Variants in CPQ observed in about 807,000 individuals in gnomAD.
CPQ encodes Ser-Met dipeptidase.
Under a neutral mutation model 45.7 loss-of-function variants are expected in CPQ, and 37 were observed. That is an observed-to-expected ratio of 0.81 (90% CI 0.62 to 1.07). The LOEUF (loss-of-function observed/expected upper bound fraction) is 1.07, where lower values mean the gene tolerates loss of function less well. Ranked by LOEUF, CPQ falls within the 50% of genes least tolerant of loss-of-function variation. The pLI, the probability that CPQ is intolerant of heterozygous loss-of-function variation, is 0.00. For missense variants in CPQ, 537 were observed against 572.9 expected (o/e 0.94, Z 0.64); for synonymous variants, 186 against 205.8 (o/e 0.90, Z 0.82).
At chr8:97,040,081 T>C (rs1208682313) in intron 6 of CPQ, among the ~76,000 whole-genome samples, 15 of 149,964 alleles carry the variant, frequency 1.0e-4, no homozygotes, top group Non-Finnish European at 1.6e-4. Flanking sequence ...ATGGTTGAAC[T>C]AGTTTACAGT....
intron 5 of CPQ, among the ~76,000 whole-genome samples, chr8:97,018,234 A>T (rs1186211827): frequency 1.3e-5 from 2 of 152,178 alleles, no homozygotes; most frequent in Non-Finnish European, 2.9e-5. Context: ...GGAACTGAAC[A>T]CCAGCGTTGA....
At chr8:96,995,827 C>T (rs974689091) in intron 5 of CPQ, among the ~76,000 whole-genome samples, 110 of 152,028 alleles carry the variant, frequency 7.2e-4, no homozygotes, top group Middle Eastern at 3.4e-3. Context: ...TCCCTCTTTC[C>T]ACCATCTCAC....
chr8:96,826,127 T>A (rs1454527788), intron 2 of CPQ, among the ~76,000 whole-genome samples: 1 of 152,092 alleles, frequency 6.6e-6, no homozygotes, highest in East Asian at 1.9e-4. Flanking sequence ...CTTGAGTTTA[T>A]CTCCTATTTA....
chr8:97,058,698 A>G (rs180695790), intron 6 of CPQ, among the ~76,000 whole-genome samples: 2 of 152,286 alleles, frequency 1.3e-5, no homozygotes, highest in African/African-American at 4.8e-5. Flanking sequence ...CTCTTCTACA[A>G]CTGCATACTG....
At chr8:96,931,534 C>T (rs1447978192) in intron 4 of CPQ, among the ~76,000 whole-genome samples, 1 of 152,088 alleles carries the variant, frequency 6.6e-6, no homozygotes, top group Non-Finnish European at 1.5e-5. Flanking sequence ...ATCACCTAGG[C>T]TGGGTGAAGC....
chr8:96,740,275 G>A (rs1368832995), intron 1 of CPQ, among the ~76,000 whole-genome samples: 1 of 152,096 alleles, frequency 6.6e-6, no homozygotes, highest in Non-Finnish European at 1.5e-5. Context: ...TCTGTTGTTG[G>A]TGTATAAGAA....
At chr8:96,646,570 G>A (rs1586343410) in intron 1 of CPQ, among the ~76,000 whole-genome samples, 1 of 152,186 alleles carries the variant, frequency 6.6e-6, no homozygotes, top group Admixed American at 6.5e-5. Context: ...TAAACAAATA[G>A]GCTTAGCACA....
chr8:96,681,063 A>G (rs1488728489), intron 1 of CPQ, among the ~76,000 whole-genome samples: 1 of 152,216 alleles, frequency 6.6e-6, no homozygotes, highest in African/African-American at 2.4e-5. Flanking sequence ...AGGGAAACAG[A>G]GCATAAAAGT....
intron 5 of CPQ, among the ~76,000 whole-genome samples, chr8:97,019,377 A>T: frequency 6.6e-6 from 1 of 152,180 alleles, no homozygotes; most frequent in African/African-American, 2.4e-5. Context: ...GGTACCTCAC[A>T]CCTCAATACT....
At chr8:97,050,430 T>C (rs1405121226) in intron 6 of CPQ, among the ~76,000 whole-genome samples, 6 of 152,200 alleles carry the variant, frequency 3.9e-5, no homozygotes, top group African/African-American at 1.2e-4. Context: ...TTTGGTAACT[T>C]TCTTATGGAA....
intron 1 of CPQ, among the ~76,000 whole-genome samples, chr8:96,655,509 G>A (rs547130656): frequency 1.3e-5 from 2 of 152,112 alleles, no homozygotes; most frequent in African/African-American, 2.4e-5. Flanking sequence ...TCACTGAACT[G>A]CTTTACAAGG....
chr8:97,018,583 A>G (rs1452187879), intron 5 of CPQ, among the ~76,000 whole-genome samples: 1 of 152,220 alleles, frequency 6.6e-6, no homozygotes, highest in Non-Finnish European at 1.5e-5. Flanking sequence ...ACACTTATAG[A>G]AATGCAAAAT....
chr8:96,711,679 TG>T (rs1809609799), intron 1 of CPQ, among the ~76,000 whole-genome samples: 1 of 152,142 alleles, frequency 6.6e-6, no homozygotes. Context: ...AACAGCAGCA[TG>T]GGGGTAACTG....
At chr8:97,004,685 C>T (rs1040126164) in intron 5 of CPQ, among the ~76,000 whole-genome samples, 1 of 151,940 alleles carries the variant, frequency 6.6e-6, no homozygotes, top group African/African-American at 2.4e-5. Flanking sequence ...TTTACTTCAT[C>T]CTTAAAAGGA....
intron 7 of CPQ, 40 bp downstream of exon 7, chr8:97,066,250 C>T: frequency 1.3e-6 from 2 of 1,557,286 alleles, no homozygotes; most frequent in Non-Finnish European, 1.7e-6. Flanking sequence ...TATATATTGC[C>T]AACAATTTAA....
At chr8:96,732,174 A>G (rs571661101) in intron 1 of CPQ, 100 of 152,338 alleles carry the variant, frequency 6.6e-4, no homozygotes, top group African/African-American at 2.2e-3. Context: ...TGTCACAGTC[A>G]TTGAACTAGT....
At chr8:96,919,819 G>A (rs1812783862) in intron 4 of CPQ, among the ~76,000 whole-genome samples, 2 of 152,132 alleles carry the variant, frequency 1.3e-5, no homozygotes, top group African/African-American at 4.8e-5. Flanking sequence ...CACTTTATCA[G>A]TGAAATTTAA....
At chr8:97,121,710 A>ATGATGAAATT (rs1811705744) in intron 7 of CPQ, among the ~76,000 whole-genome samples, 1 of 152,170 alleles carries the variant, frequency 6.6e-6, no homozygotes, top group South Asian at 2.1e-4. Context: ...AATGATAGTG[A>ATGATGAAATT]TGATGAAATT....
intron 4 of CPQ, among the ~76,000 whole-genome samples, chr8:96,918,988 A>G (rs1389104246): frequency 6.6e-6 from 1 of 152,034 alleles, no homozygotes. Flanking sequence ...GCAGTAATGC[A>G]TTTGTTTCTC....
Sources: allele counts gnomAD v4.1 joint callset (sites outside exome capture counted in the v4.1 genomes callset), GRCh38; gene constraint gnomAD v4.1.1; transcripts MANE v1.5; gene names NCBI Gene and HGNC (gene_info 2026-07-23, HGNC 2026-07-21).